The following NKAIN2 variants were observed in gnomAD, a reference collection of about 807,000 sequenced individuals.
NKAIN2 encodes sodium/potassium transporting ATPase interacting 2, also known as sodium/potassium-transporting ATPase subunit beta-1-interacting protein 2.
NKAIN2 carries 14 observed loss-of-function variants against 32.6 expected under a neutral mutation model. That is an observed-to-expected ratio of 0.43 (90% CI 0.28 to 0.67). The LOEUF is 0.67. NKAIN2 is among the 30% of genes least tolerant of loss of function. The pLI, the probability that NKAIN2 is intolerant of heterozygous loss-of-function variation, is 0.17. For synonymous variants in NKAIN2, 80 were observed against 87.2 expected, an observed-to-expected ratio of 0.92 and a Z score of 0.46; for missense variants, 198 against 258.3, an observed-to-expected ratio of 0.77 and a Z score of 1.60.
At chr6:124,141,620 T>C (rs1787144834) in intron 1 of NKAIN2, among the ~76,000 whole-genome samples, 1 of 152,124 alleles carries the variant, frequency 6.6e-6, no homozygotes, top group Non-Finnish European at 1.5e-5. Context: ...ATGAAACTTC[T>C]GGGTTCAGGA....
Position 124,802,761 on chromosome 6 carries a change from T to G in NKAIN2, c.535+11362T>G, listed in dbSNP as rs1382258123. ...ATAAACACCTATCTATTCTTTTTCC[T>G]TGTTCTACTGCCTCCCTCTTGGAAA... is the stretch of plus-strand genomic sequence containing the variant. On this transcript the variant is annotated intron_variant, in intron 5 of 6. Transcript: ENST00000368417. Among the ~76,000 whole-genome samples, 5 of 152,188 alleles carry G rather than the reference T, an allele frequency of 3.3e-5. No individual in the cohort carries two copies. The East Asian group carries it at 9.6e-4, about 29-fold the overall frequency.
At chr6:124,113,045 C>CT (rs1455136832) in intron 1 of NKAIN2, among the ~76,000 whole-genome samples, 2 of 151,880 alleles carry the variant, frequency 1.3e-5, no homozygotes, top group African/African-American at 4.8e-5. Flanking sequence ...TATCTTGTTC[C>CT]TTTTTTTGGA....
At chr6:124,747,571 A>C (rs558386554) in intron 4 of NKAIN2, among the ~76,000 whole-genome samples, 8 of 151,878 alleles carry the variant, frequency 5.3e-5, no homozygotes, top group Non-Finnish European at 1.0e-4. Context: ...GAAAATTAGC[A>C]CAAGCTCCAA....
At chr6:124,158,067 G>A (rs1788076966) in intron 1 of NKAIN2, among the ~76,000 whole-genome samples, 1 of 152,154 alleles carries the variant, frequency 6.6e-6, no homozygotes. Flanking sequence ...TAGTTTGTTA[G>A]GACTGCCATA....
At chr6:124,234,108 G>A (rs760705435) in intron 1 of NKAIN2, among the ~76,000 whole-genome samples, 1 of 152,032 alleles carries the variant, frequency 6.6e-6, no homozygotes, top group Non-Finnish European at 1.5e-5. Context: ...TCTTTCTGTT[G>A]TCTAGTTATT....
At chr6:124,581,262 A>C (rs1781509058) in intron 3 of NKAIN2, among the ~76,000 whole-genome samples, 1 of 151,588 alleles carries the variant, frequency 6.6e-6, no homozygotes, top group Non-Finnish European at 1.5e-5. Flanking sequence ...ACAAGGTGAA[A>C]CCCCGTCTCT....
chr6:124,783,585 A>G (rs1779369823), intron 4 of NKAIN2, among the ~76,000 whole-genome samples: 1 of 152,164 alleles, frequency 6.6e-6, no homozygotes, highest in Admixed American at 6.6e-5. Flanking sequence ...TACTCGTAGC[A>G]GAGAAAATTT....
chr6:123,806,296 A>G (rs887160552), intron 1 of NKAIN2, among the ~76,000 whole-genome samples: 1 of 152,110 alleles, frequency 6.6e-6, no homozygotes, highest in Non-Finnish European at 1.5e-5. Context: ...TATGAGAATC[A>G]TGTGATTTTT....
intron 4 of NKAIN2, among the ~76,000 whole-genome samples, chr6:124,687,771 CACACACACACAT>C (rs1468274770): frequency 9.7e-5 from 14 of 144,360 alleles, no homozygotes; most frequent in South Asian, 2.2e-4. Flanking sequence ...CACACACACA[CACACACACACAT>C]ACTGTTCTAT....
At chr6:124,284,915 A>G (rs1398188367) in intron 2 of NKAIN2, among the ~76,000 whole-genome samples, 1 of 152,204 alleles carries the variant, frequency 6.6e-6, no homozygotes, top group Non-Finnish European at 1.5e-5. Flanking sequence ...TGCAAAAAAA[A>G]AAAATTTGGG....
At chr6:124,345,699 A>G (rs1202483623) in intron 2 of NKAIN2, among the ~76,000 whole-genome samples, 4 of 151,328 alleles carry the variant, frequency 2.6e-5, no homozygotes, top group Admixed American at 2.0e-4. Flanking sequence ...ATCATTTTTT[A>G]TTGCGTCTAT....
At chr6:124,503,228 T>C (rs572272030) in intron 3 of NKAIN2, among the ~76,000 whole-genome samples, 1 of 152,214 alleles carries the variant, frequency 6.6e-6, no homozygotes, top group Admixed American at 6.5e-5. Flanking sequence ...TATATTGAAT[T>C]TTAACTCCGC....
chr6:124,391,325 T>C (rs1455349946), intron 3 of NKAIN2, among the ~76,000 whole-genome samples: 2 of 152,142 alleles, frequency 1.3e-5, no homozygotes, highest in African/African-American at 4.8e-5. Context: ...GGTTAGCAGG[T>C]GTCTGTAATC....
intron 6 of NKAIN2, chr6:124,818,960 A>G (rs1355980504): frequency 6.5e-6 from 1 of 154,272 alleles, no homozygotes; most frequent in Non-Finnish European, 1.4e-5. Context: ...CACTTTCTCT[A>G]TCATTTTTCT....
At chr6:124,569,774 T>G (rs1781057992) in intron 3 of NKAIN2, among the ~76,000 whole-genome samples, 1 of 152,134 alleles carries the variant, frequency 6.6e-6, no homozygotes, top group Admixed American at 6.5e-5. Context: ...AAATATGGAC[T>G]AATACAGTAA....
At chr6:124,163,741 A>G (rs1788392375) in intron 1 of NKAIN2, among the ~76,000 whole-genome samples, 2 of 152,064 alleles carry the variant, frequency 1.3e-5, no homozygotes, top group Non-Finnish European at 2.9e-5. Context: ...AGAAACAGAG[A>G]TAATTAAAGG....
intron 3 of NKAIN2, among the ~76,000 whole-genome samples, chr6:124,380,361 A>G (rs1196171667): frequency 6.6e-6 from 1 of 152,218 alleles, no homozygotes; most frequent in South Asian, 2.1e-4. Context: ...CCTAGGGACT[A>G]TATTTCATGT....
chr6:124,488,680 G>T (rs1163554037), intron 3 of NKAIN2, among the ~76,000 whole-genome samples: 5 of 152,036 alleles, frequency 3.3e-5, no homozygotes, highest in South Asian at 2.1e-4. Flanking sequence ...ATGATGAGCA[G>T]ATGGAGAGAG....
At chr6:124,800,173 C>T (rs943108657) in intron 5 of NKAIN2, among the ~76,000 whole-genome samples, 15 of 152,154 alleles carry the variant, frequency 9.9e-5, no homozygotes, top group Admixed American at 6.5e-4. Context: ...TGATGCTGGC[C>T]GGTGCCCACT....
Sources: allele counts gnomAD v4.1 joint callset (sites outside exome capture counted in the v4.1 genomes callset), GRCh38; gene constraint gnomAD v4.1.1; transcripts MANE v1.5; gene names NCBI Gene and HGNC (gene_info 2026-07-23, HGNC 2026-07-21).